HNRNPUL1: variants seen among roughly 807,000 people sequenced by gnomAD.
HNRNPUL1 encodes heterogeneous nuclear ribonucleoprotein U like 1.
A neutral mutation model predicts 108.5 loss-of-function variants in HNRNPUL1; 14 were observed. That is an observed-to-expected ratio of 0.13 (90% CI 0.09 to 0.20). HNRNPUL1 has a LOEUF of 0.20. Among genes scored for constraint, HNRNPUL1 ranks in the 10% least tolerant of loss-of-function variants. HNRNPUL1 has a pLI of 1.00. For missense variants in HNRNPUL1, 804 were observed against 1,168.3 expected, an observed-to-expected ratio of 0.69 and a Z score of 4.55; for synonymous variants, 422 against 445.2, an observed-to-expected ratio of 0.95 and a Z score of 0.66.
intron 12 of HNRNPUL1, 104 bp downstream of exon 12, chr19:41,303,053 G>A: frequency 7.7e-7 from 1 of 1,290,946 alleles, no homozygotes; most frequent in Non-Finnish European, 1.1e-6. Context: ...AGCTCCAGCT[G>A]TGAGTTATAC....
Position 41,294,262 on chromosome 19 carries a change from C to T in HNRNPUL1, c.1267-76C>T, listed in dbSNP as rs545171512. 1 of 1,555,190 alleles carries T rather than the reference C, an allele frequency of 6.4e-7. No homozygotes were observed. The highest frequency in any genetic ancestry group is 1.4e-5 in the African/African-American group (1 of 74,006). ...CAGCCACAGCTCAGAGGTCCAGAGT[C>T]ACACTCACAGTCACCACCGAGCCAA... On this transcript the variant is annotated intron_variant, in intron 8 of 14. Transcript: ENST00000392006. The surrounding 1 kb of genome is among the most constrained non-coding windows in gnomAD (Gnocchi z 4.3).
At position 41,292,355 on chromosome 19, in the gene HNRNPUL1, T is replaced by G; in HGVS notation, c.1110T>G (p.Pro370=). 1 of 1,614,204 alleles carries G rather than the reference T, an allele frequency of 6.2e-7. No individual in the cohort carries two copies. The highest frequency in any genetic ancestry group is 8.5e-7 in the Non-Finnish European group (1 of 1,180,028). ...CCTTGGGGGGTCAGGCCCTCTATCC[T>G]CATGTCCTGGTGAAGAATTGCGCAG... is the stretch of plus-strand genomic sequence containing the variant. ...KEALGGQALY[P]HVLVKNCAVE... Residue 370 remains proline (P), a synonymous_variant, in exon 8 of 15, where the codon CCT becomes CCG. Coordinates refer to ENST00000392006, the MANE Select transcript of HNRNPUL1 (RefSeq NM_007040.6). The surrounding 1 kb of genome is among the most constrained non-coding windows in gnomAD (Gnocchi z 4.1).
At chr19:41,266,846 C>T (rs745940941) in intron 1 of HNRNPUL1, among the ~76,000 whole-genome samples, 2 of 152,232 alleles carry the variant, frequency 1.3e-5, no homozygotes, top group East Asian at 3.9e-4. Context: ...TAGAGATTAT[C>T]GAGGACCCAG....
chr19:41,296,026 AT>A, intron 10 of HNRNPUL1, among the ~76,000 whole-genome samples: 1 of 152,256 alleles, frequency 6.6e-6, no homozygotes, highest in Admixed American at 6.5e-5. Context: ...TTTAGTCTGT[AT>A]TGACCCCAGT....
chr19:41,276,981 C>G (rs2035594970), intron 5 of HNRNPUL1, among the ~76,000 whole-genome samples: 2 of 151,808 alleles, frequency 1.3e-5, no homozygotes, highest in African/African-American at 4.8e-5. Context: ...GCCTGCAATC[C>G]TAGCTATTCA....
intron 2 of HNRNPUL1, among the ~76,000 whole-genome samples, chr19:41,270,834 A>T (rs2035188811): frequency 6.6e-6 from 1 of 152,020 alleles, no homozygotes; most frequent in East Asian, 1.9e-4. Flanking sequence ...TGACCTCATG[A>T]TCTGCCTGCC....
In HNRNPUL1 at chr19:41,307,074, G is replaced by A. The variant is rs2037587457; in HGVS notation, c.*509G>A. 1 of 152,186 alleles carries A rather than the reference G, an allele frequency of 6.6e-6. No homozygotes were observed. Among genetic ancestry groups the A allele is most frequent in the South Asian group, 2.1e-4 (1 of 4,822 alleles). 9.4% of individuals were successfully genotyped at this position (152,186 alleles called of 1,614,324 possible). ...AAGTTTAAAAAGCAAAATGGGGAGG[G>A]GGAGGAAGCAGTGACTTTTTTTTGG... On this transcript the variant is annotated 3_prime_UTR_variant, in exon 15 of 15. Coordinates refer to ENST00000392006, the MANE Select transcript of HNRNPUL1 (RefSeq NM_007040.6).
At position 41,294,375 on chromosome 19, in the gene HNRNPUL1, C is replaced by G; in HGVS notation, c.1304C>G (p.Thr435Ser). Residue 435 changes from threonine to serine, a missense_variant, in exon 9 of 15, where the codon ACC becomes AGC. By Grantham distance (58) the Thr-to-Ser change is moderately conservative (BLOSUM62 1). Around this residue, in one of 4 missense-constraint regions of HNRNPUL1, gnomAD observed 80 missense variants for 221.8 expected, o/e 0.36. Transcript: ENST00000392006. This position sits in a 1 kb window ranked among gnomAD's most constrained non-coding sequence, Gnocchi z 4.3. ...MMVGLPAAGK[T>S]TWAIKHAASN... The stretch of plus-strand genomic sequence containing the variant: ...GTGGGCCTGCCTGCTGCTGGCAAGA[C>G]CACATGGGCCATCAAACATGCAGCC... 1 of 1,614,138 alleles carries G rather than the reference C, an allele frequency of 6.2e-7. No individual in the cohort carries two copies.
Position 41,294,513 on chromosome 19 carries a change from C to T in HNRNPUL1, c.1390-45C>T, listed in dbSNP as rs79225709. 1,819 of 1,613,778 alleles carry T rather than the reference C, an allele frequency of 1.1e-3. 17 individuals carry two copies. In the African/African-American group the frequency reaches 0.021, roughly 19 times the overall value. ...CTCACCTCCAACCTACTGAGTGCTGCCCTGCAACTAAAATCACTCACCCCT... is the reference window on the plus strand; with the variant it reads ...CTCACCTCCAACCTACTGAGTGCTGTCCTGCAACTAAAATCACTCACCCCT... On this transcript the variant is annotated intron_variant, in intron 9 of 14. Transcript: ENST00000392006. The surrounding 1 kb of genome is among the most constrained non-coding windows in gnomAD (Gnocchi z 4.3).
intron 7 of HNRNPUL1, among the ~76,000 whole-genome samples, chr19:41,281,997 G>GAC (rs1283241719): frequency 1.3e-5 from 2 of 152,226 alleles, no homozygotes; most frequent in African/African-American, 4.8e-5. Flanking sequence ...AATAATGCCT[G>GAC]ACACACAGTA....
Position 41,279,109 on chromosome 19 carries a change from G to T in HNRNPUL1, c.819G>T (p.Pro273=). The T allele has an allele frequency of 6.2e-7, 1 of 1,613,950 alleles. No individual in the cohort carries two copies. Among genetic ancestry groups the T allele is most frequent in the Non-Finnish European group, 8.5e-7 (1 of 1,179,992 alleles). ...INEEISVKHL[P]STEPDPHVVR... ...AGGAAATCTCCGTGAAGCACCTTCC[G>T]TCTACAGAGCCTGACCCCCACGTGG... Residue 273 remains proline, a synonymous_variant, in exon 6 of 15, where the codon CCG becomes CCT. Coordinates refer to ENST00000392006, the MANE Select transcript of HNRNPUL1 (RefSeq NM_007040.6).
At chr19:41,268,410 G>A in intron 2 of HNRNPUL1, 65 bp downstream of exon 2, 1 of 1,528,742 alleles carries the variant, frequency 6.5e-7, no homozygotes, top group Non-Finnish European at 8.8e-7. Context: ...TTTACCCCCT[G>A]CTTAGAGCGG....
chr19:41,304,698 ACAGAGAGCTT>A (rs1478467824), intron 13 of HNRNPUL1, among the ~76,000 whole-genome samples: 1 of 152,220 alleles, frequency 6.6e-6, no homozygotes, highest in Admixed American at 6.5e-5. Flanking sequence ...TGCCCTCTGC[ACAGAGAGCTT>A]CAATCCTGAG....
chr19:41,275,689 G>A (rs774068165), intron 4 of HNRNPUL1, among the ~76,000 whole-genome samples: 3 of 152,178 alleles, frequency 2.0e-5, no homozygotes, highest in Non-Finnish European at 2.9e-5. Context: ...CTACTCAAAG[G>A]GAGAGAGGTT....
In HNRNPUL1 at chr19:41,292,577, C is replaced by G; in HGVS notation, c.1266+66C>G. 3.2e-6 allele frequency: 5 copies of G among 1,553,522 alleles called. No homozygotes were observed. Among genetic ancestry groups the G allele is most frequent in the Non-Finnish European group, 4.4e-6 (5 of 1,130,442 alleles). ...AAGACAGAGGAGACACACACACACA[C>G]ACACACACAGACTTGCTGCGAGAGT... On this transcript the variant is annotated intron_variant, in intron 8 of 14. Coordinates refer to ENST00000392006, the MANE Select transcript of HNRNPUL1 (RefSeq NM_007040.6). The surrounding 1 kb of genome is among the most constrained non-coding windows in gnomAD (Gnocchi z 4.1).
intron 7 of HNRNPUL1, chr19:41,291,974 T>A: frequency 2.4e-6 from 1 of 421,210 alleles, no homozygotes; most frequent in Non-Finnish European, 4.2e-6. Context: ...GGTGAGACCC[T>A]GTCTCAAAAA....
At chr19:41,265,447 G>A in intron 1 of HNRNPUL1, 2 of 1,372,100 alleles carry the variant, frequency 1.5e-6, no homozygotes, top group Non-Finnish European at 1.9e-6. Flanking sequence ...TTTAGGGGCT[G>A]CGGGAGATTG....
chr19:41,280,230 G>A (rs1406593436), intron 6 of HNRNPUL1, among the ~76,000 whole-genome samples: 1 of 152,178 alleles, frequency 6.6e-6, no homozygotes, highest in Non-Finnish European at 1.5e-5. Context: ...GGGGTAACAA[G>A]GTGGAGGAGG....
intron 10 of HNRNPUL1, among the ~76,000 whole-genome samples, chr19:41,297,549 C>A (rs2036962683): frequency 1.3e-5 from 2 of 152,234 alleles, no homozygotes; most frequent in Non-Finnish European, 2.9e-5. Context: ...TGGCCTTGTC[C>A]CAGAGGGCCT....
Sources: allele counts gnomAD v4.1 joint callset (sites outside exome capture counted in the v4.1 genomes callset), GRCh38; gene constraint gnomAD v4.1.1; regional missense constraint gnomAD v4.1.1; non-coding constraint Gnocchi (gnomAD v3.1); transcripts MANE v1.5; gene names NCBI Gene and HGNC (gene_info 2026-07-23, HGNC 2026-07-21).